FAM114A2: variants seen among roughly 807,000 people sequenced by gnomAD.
The protein encoded by FAM114A2 is family with sequence similarity 114 member A2.
A neutral mutation model predicts 58.4 loss-of-function variants in FAM114A2; 53 were observed. The observed-to-expected ratio is 0.91, with a 90% CI of 0.73 to 1.14. The LOEUF (loss-of-function observed/expected upper bound fraction) is 1.14, where lower values mean the gene tolerates loss of function less well. Ranked by LOEUF, FAM114A2 falls within the 50% of genes most tolerant of loss-of-function variation. FAM114A2 has a pLI of 0.00. For synonymous variants in FAM114A2, 228 were observed against 211.4 expected (o/e 1.08, Z -0.68); for missense variants, 601 against 581.1 (o/e 1.03, Z -0.35).
rs528274930 is a variant in FAM114A2 at position 154,022,527 on chromosome 5, G to A, written c.913+3872C>T. Reference sequence around the variant, plus strand: ...AGACATGTATGCAGCCAATAGACACGTGAAAAAATGCTCATCATCACTGGT... The same window carrying A: ...AGACATGTATGCAGCCAATAGACACATGAAAAAATGCTCATCATCACTGGT... On this transcript the variant is annotated intron_variant, in intron 8 of 13. Coordinates refer to ENST00000351797, the MANE Select transcript of FAM114A2 (RefSeq NM_018691.4). Among the ~76,000 whole-genome samples, 4 of 152,278 alleles carry A rather than the reference G, an allele frequency of 2.6e-5. No homozygotes were observed. The East Asian group carries it at 5.8e-4, about 22-fold the overall frequency.
intron 11 of FAM114A2, among the ~76,000 whole-genome samples, chr5:154,000,457 T>C (rs1420091601): frequency 1.0e-5 from 1 of 96,160 alleles, no homozygotes; most frequent in African/African-American, 3.4e-5. Context: ...CACTCACATG[T>C]ACCCCATATA....
intron 9 of FAM114A2, among the ~76,000 whole-genome samples, chr5:154,009,635 C>T (rs1770565333): frequency 6.6e-6 from 1 of 152,110 alleles, no homozygotes. Flanking sequence ...CAACACATCA[C>T]CAATAAGGGG....
chr5:154,034,275 TA>T lies in FAM114A2; in HGVS notation c.310+2del. On this transcript the variant is annotated splice_donor_variant, in intron 3 of 13. Coordinates refer to ENST00000351797, the MANE Select transcript of FAM114A2 (RefSeq NM_018691.4). LOFTEE classifies it high-confidence loss of function. ...AAAATAACTAAATGACTGATGATCT[TA>T]CCTACTGTAGCTACTGTAGCCGAGG... The T allele has an allele frequency of 6.5e-7, 1 of 1,534,560 alleles. No homozygotes were observed. The highest frequency in any genetic ancestry group is 8.9e-7 in the Non-Finnish European group (1 of 1,129,184).
At chr5:154,004,754 T>C (rs919016321) in intron 9 of FAM114A2, among the ~76,000 whole-genome samples, 5 of 152,116 alleles carry the variant, frequency 3.3e-5, no homozygotes, top group Non-Finnish European at 7.4e-5. Context: ...TTACCACTAC[T>C]TGAGTTCAGA....
intron 1 of FAM114A2, among the ~76,000 whole-genome samples, chr5:154,035,724 A>C (rs1685192249): frequency 6.6e-6 from 1 of 152,240 alleles, no homozygotes; most frequent in South Asian, 2.1e-4. Context: ...CTGCTGGGTC[A>C]TATGGTTAAG....
intron 1 of FAM114A2, chr5:154,037,174 G>A (rs552098891): frequency 2.0e-5 from 3 of 152,354 alleles, no homozygotes; most frequent in African/African-American, 7.2e-5. Flanking sequence ...AAGGCCTGAG[G>A]TCTGACAGTA....
In FAM114A2 at chr5:154,017,271, C is replaced by T. The variant is rs532777507; in HGVS notation, c.914-5951G>A. Among the ~76,000 whole-genome samples, 4 of 152,196 alleles carry T rather than the reference C, an allele frequency of 2.6e-5. No homozygotes were observed. The East Asian group carries it at 5.8e-4, about 22-fold the overall frequency. On this transcript the variant is annotated intron_variant, in intron 8 of 13. Coordinates refer to ENST00000351797, the MANE Select transcript of FAM114A2 (RefSeq NM_018691.4). ...CAGCCTGACAAACATAGAGAAACCCCGTCTCTACTAAAAATACAAAATTAG... is the reference window on the plus strand; with the variant it reads ...CAGCCTGACAAACATAGAGAAACCCTGTCTCTACTAAAAATACAAAATTAG...
At chr5:154,009,048 C>T (rs1369980772) in intron 9 of FAM114A2, among the ~76,000 whole-genome samples, 1 of 152,104 alleles carries the variant, frequency 6.6e-6, no homozygotes, top group Non-Finnish European at 1.5e-5. Flanking sequence ...GTATATGTAC[C>T]TGAGTATATT....
chr5:154,027,227 G>A lies in FAM114A2; in HGVS notation c.738C>T (p.Gly246=), dbSNP rs1164851079. ...HYGLLFDEFQ[G]LSHLEALEML... ...TCTCCAGAGCTTCTAGATGTGAAAG[G>A]CCTTGAAATTCATCAAAGAGTAGCC... is the stretch of plus-strand genomic sequence containing the variant. Residue 246 remains glycine, a synonymous_variant, in exon 7 of 14, where the codon GGC becomes GGT. Coordinates refer to ENST00000351797, the MANE Select transcript of FAM114A2 (RefSeq NM_018691.4). The A allele has an allele frequency of 4.4e-5, 71 of 1,613,536 alleles. No homozygotes were observed. The highest frequency in any genetic ancestry group is 5.9e-5 in the Non-Finnish European group (70 of 1,179,628).
rs577927784 is a variant in FAM114A2 at position 154,007,732 on chromosome 5, T to C, written c.993+3509A>G. ...GCATAATAAAGGTTTATTGAACACA[T>C]ATGTATATTTATTGAACAGCTACAT... is the stretch of plus-strand genomic sequence containing the variant. On this transcript the variant is annotated intron_variant, in intron 9 of 13. Coordinates refer to ENST00000351797, the MANE Select transcript of FAM114A2 (RefSeq NM_018691.4). 5.3e-5 allele frequency among the ~76,000 whole-genome samples: 8 copies of C among 152,346 alleles called. No homozygotes were observed. In the South Asian group the frequency reaches 1.7e-3, roughly 32 times the overall value.
chr5:154,036,153 A>T (rs1772544560), intron 1 of FAM114A2: 1 of 152,170 alleles, frequency 6.6e-6, no homozygotes, highest in Non-Finnish European at 1.5e-5. Context: ...CTTTCAGAGC[A>T]AGTCTTTAAT....
At chr5:154,011,444 C>A in intron 8 of FAM114A2, 124 bp from the exon 9 acceptor site, 1 of 638,652 alleles carries the variant, frequency 1.6e-6, no homozygotes, top group Non-Finnish European at 2.8e-6. Flanking sequence ...ACAATAGTAG[C>A]AGCAGTAATG....
chr5:154,011,192 A>T, intron 9 of FAM114A2, 49 bp downstream of exon 9: 1 of 1,360,764 alleles, frequency 7.3e-7, no homozygotes, highest in Non-Finnish European at 1.0e-6. Flanking sequence ...TTTATCCACT[A>T]CATTTTTACA....
At position 153,991,383 on chromosome 5, in the gene FAM114A2, C is replaced by T. The variant is rs1285718350; in HGVS notation, c.*1593G>A. On this transcript the variant is annotated 3_prime_UTR_variant, in exon 14 of 14. Transcript: ENST00000351797. ...CCCTCAAGGGATACAGGTTCAGACA[C>T]ATCAACCAAGCTTGAGGCAACAATT... is the stretch of plus-strand genomic sequence containing the variant. The T allele has an allele frequency of 6.6e-6, 1 of 152,188 alleles. No homozygotes were observed. The highest frequency in any genetic ancestry group is 1.9e-4 in the East Asian group (1 of 5,204). 9.4% of individuals were successfully genotyped at this position (152,188 alleles called of 1,614,324 possible).
At chr5:153,995,797 T>C (rs927135618) in intron 12 of FAM114A2, among the ~76,000 whole-genome samples, 2 of 152,160 alleles carry the variant, frequency 1.3e-5, no homozygotes, top group African/African-American at 4.8e-5. Context: ...TTTTTACAAT[T>C]CCAATTTTTA....
chr5:154,014,505 G>A (rs1770896445), intron 8 of FAM114A2, among the ~76,000 whole-genome samples: 1 of 152,160 alleles, frequency 6.6e-6, no homozygotes. Context: ...AAGTGGAAAG[G>A]GAGATCATCT....
At chr5:154,002,553 C>A (rs905836929) in intron 10 of FAM114A2, among the ~76,000 whole-genome samples, 163 bp from the exon 11 acceptor site, 38 of 152,186 alleles carry the variant, frequency 2.5e-4, no homozygotes, top group Non-Finnish European at 4.4e-5. Context: ...TACAGCTGGG[C>A]TCCCCTGAAG....
intron 9 of FAM114A2, among the ~76,000 whole-genome samples, chr5:154,006,953 C>G (rs964550249): frequency 6.6e-6 from 1 of 151,960 alleles, no homozygotes; most frequent in Non-Finnish European, 1.5e-5. Context: ...CCTGCCACTG[C>G]GCCTGACTAA....
At chr5:154,035,340 T>TC (rs1426754271) in intron 1 of FAM114A2, among the ~76,000 whole-genome samples, 3 of 152,164 alleles carry the variant, frequency 2.0e-5, no homozygotes, top group African/African-American at 7.2e-5. Flanking sequence ...CATAACCACT[T>TC]CCGACACTCC....
Sources: gnomAD v4.1 joint callset for allele counts (sites outside exome capture counted in the v4.1 genomes callset) on GRCh38, gnomAD v4.1.1 for gene constraint, MANE v1.5 for transcripts, NCBI Gene and HGNC (gene_info 2026-07-23, HGNC 2026-07-21) for gene names.